BDP1: variants seen among roughly 807,000 people sequenced by gnomAD.
BDP1 encodes the protein BDP1 general transcription factor IIIB subunit, also known as transcription factor TFIIIB component B'' homolog.
In BDP1, 169 loss-of-function variants were observed where a neutral mutation model predicts 266.6. That is an observed-to-expected ratio of 0.63 (90% CI 0.56 to 0.72). The LOEUF (loss-of-function observed/expected upper bound fraction) is 0.72. Ranked by LOEUF, BDP1 falls within the 30% of genes least tolerant of loss-of-function variation. BDP1 has a pLI of 0.00. For missense variants in BDP1, 3,015 were observed against 3,053.8 expected (o/e 0.99, Z 0.30); for synonymous variants, 1,090 against 1,022.4 (o/e 1.07, Z -1.26).
chr5:71,545,531 A>T (rs1742222843), intron 32 of BDP1: 2 of 309,856 alleles, frequency 6.5e-6, no homozygotes, highest in Non-Finnish European at 1.2e-5. Context: ...GGGATTCGCC[A>T]TATTGGCCAG....
At position 71,470,389 on chromosome 5, in the gene BDP1, T is replaced by C. The variant is rs1449292158; in HGVS notation, c.920-6T>C. The C allele has an allele frequency of 6.3e-7, 1 of 1,575,274 alleles. No individual in the cohort carries two copies. ...TTCAATCATTCTAAATCTTTTATTTTCACAGAAACAGATATGTTTTTTTTA... is the reference window on the plus strand; with the variant it reads ...TTCAATCATTCTAAATCTTTTATTTCCACAGAAACAGATATGTTTTTTTTA... On this transcript the variant is annotated splice_polypyrimidine_tract_variant and splice_region_variant and intron_variant, in intron 6 of 38. Transcript: ENST00000358731.
chr5:71,550,111 C>T (rs753118609), intron 34 of BDP1, among the ~76,000 whole-genome samples: 1 of 152,224 alleles, frequency 6.6e-6, no homozygotes, highest in Non-Finnish European at 1.5e-5. Context: ...CCTGGCCAGG[C>T]GTGGTGGCTT....
rs1764793096 is a variant in BDP1, at chr5:71,509,772, G to A, written c.2680G>A (p.Asp894Asn). The A allele has an allele frequency of 6.2e-7, 1 of 1,614,186 alleles. No individual in the cohort carries two copies. The highest frequency in any genetic ancestry group is 8.5e-7 in the Non-Finnish European group (1 of 1,180,026). The change falls in exon 17 of 39, where the codon GAC (aspartate) becomes AAC (asparagine). Residue 894 changes from aspartate (D) to asparagine (N), a missense_variant. Physicochemically the swap from Asp to Asn is conservative, Grantham distance 23. This residue lies in a region of BDP1 where 2,383 missense variants were observed against 2,404.9 expected (regional missense o/e 0.99). Coordinates refer to ENST00000358731, the MANE Select transcript of BDP1 (RefSeq NM_018429.3). Reference protein sequence around the residue: ...PREKILDVIDDTIEMETGLKA... With the variant: ...PREKILDVIDNTIEMETGLKA... ...GGAGAAGATTCTAGATGTGATTGATGACACCATAGAAATGGAGACAGGTCT... is the reference window on the plus strand; with the variant it reads ...GGAGAAGATTCTAGATGTGATTGATAACACCATAGAAATGGAGACAGGTCT...
chr5:71,484,023 C>A (rs978466831), intron 8 of BDP1, 127 bp downstream of exon 8: 2 of 748,286 alleles, frequency 2.7e-6, no homozygotes, highest in South Asian at 1.9e-5. Context: ...AGGAAGCAGT[C>A]TGAAATTTTT....
At chr5:71,553,052 TAA>T (rs528058386) in intron 34 of BDP1, 62 bp from the exon 35 acceptor site, 8 of 1,134,620 alleles carry the variant, frequency 7.1e-6, no homozygotes, top group Non-Finnish European at 9.8e-6. Flanking sequence ...TAGGATCCTT[TAA>T]AAAAAAAAGT....
At chr5:71,519,838 G>C (rs192029166) in intron 22 of BDP1, among the ~76,000 whole-genome samples, 6 of 152,320 alleles carry the variant, frequency 3.9e-5, no homozygotes, top group African/African-American at 1.4e-4. Context: ...CTGGCAGTAG[G>C]ATGGCTCAAT....
At chr5:71,539,492 C>G in intron 27 of BDP1, 65 bp from the exon 28 acceptor site, 1 of 1,309,628 alleles carries the variant, frequency 7.6e-7, no homozygotes, top group Non-Finnish European at 1.1e-6. Context: ...AATTAAAAAT[C>G]TTTTTTAAGT....
Position 71,539,553 on chromosome 5 carries a change from C to G in BDP1, c.5930-4C>G. 1 of 1,600,252 alleles carries G rather than the reference C, an allele frequency of 6.2e-7. No individual in the cohort carries two copies. The highest frequency in any genetic ancestry group is 8.5e-7 in the Non-Finnish European group (1 of 1,172,482). The stretch of plus-strand genomic sequence containing the variant: ...TTTTTAATGTTGATATATTTCCTCA[C>G]AAGGTACCAATGATGGAAGCACCGA... On this transcript the variant is annotated splice_polypyrimidine_tract_variant and splice_region_variant and intron_variant, in intron 27 of 38. Coordinates refer to ENST00000358731, the MANE Select transcript of BDP1 (RefSeq NM_018429.3).
At chr5:71,482,999 C>A (rs536247220) in intron 7 of BDP1, among the ~76,000 whole-genome samples, 23 of 152,256 alleles carry the variant, frequency 1.5e-4, no homozygotes, top group South Asian at 1.0e-3. Flanking sequence ...TAAGGAAATA[C>A]AAGAAAGTGA....
Position 71,511,024 on chromosome 5 carries a change from C to T in BDP1, c.3932C>T (p.Thr1311Ile). ...GAAAAGGTGGCAGAATTGAAACAAACTGGAAAAACAGACATTTCTCCAAGG... is the reference window on the plus strand; with the variant it reads ...GAAAAGGTGGCAGAATTGAAACAAATTGGAAAAACAGACATTTCTCCAAGG... ...TEEKVAELKQ[T>I]GKTDISPREN... Residue 1311 changes from threonine to isoleucine, a missense_variant, in exon 17 of 39, where the codon ACT becomes ATT. By Grantham distance (89) the Thr-to-Ile change is moderately conservative. Around this residue, in one of 3 missense-constraint regions of BDP1, gnomAD observed 2,383 missense variants for 2,404.9 expected, o/e 0.99. Coordinates refer to ENST00000358731, the MANE Select transcript of BDP1 (RefSeq NM_018429.3). The T allele has an allele frequency of 6.8e-6, 11 of 1,614,036 alleles. No individual in the cohort carries two copies. Among genetic ancestry groups the T allele is most frequent in the Non-Finnish European group, 9.3e-6 (11 of 1,180,010 alleles).
intron 13 of BDP1, among the ~76,000 whole-genome samples, chr5:71,499,637 A>T (rs1344139409): frequency 6.6e-6 from 1 of 152,026 alleles, no homozygotes; most frequent in African/African-American, 2.4e-5. Context: ...TAAAAAATTA[A>T]AAAAAAACCC....
the BDP1 span, among the ~76,000 whole-genome samples, chr5:71,576,231 C>G: frequency 6.6e-6 from 1 of 152,166 alleles, no homozygotes; most frequent in Non-Finnish European, 1.5e-5. Flanking sequence ...GCAGTATGAC[C>G]CATACTTTGG....
the BDP1 span, among the ~76,000 whole-genome samples, chr5:71,574,729 T>A: frequency 1.3e-5 from 2 of 152,238 alleles, no homozygotes; most frequent in Non-Finnish European, 2.9e-5. Context: ...GTTTTTGAAC[T>A]GGGAGAATAT....
At position 71,512,225 on chromosome 5, in the gene BDP1, A is replaced by G. The variant is rs765212246; in HGVS notation, c.4060-16A>G. ...ACTCTTTTATTTGTGCTGATTTACT[A>G]TGACTGTTCCTCTAGAACATTAGCA... On this transcript the variant is annotated splice_polypyrimidine_tract_variant and intron_variant, in intron 17 of 38. Coordinates refer to ENST00000358731, the MANE Select transcript of BDP1 (RefSeq NM_018429.3). 1.6e-5 allele frequency: 22 copies of G among 1,353,654 alleles called. No individual in the cohort carries two copies. The highest frequency in any genetic ancestry group is 5.1e-5 in the East Asian group (2 of 39,126). The allele number at this position is 1,353,654 out of a possible 1,614,324, so 83.9% of individuals were successfully genotyped here.
chr5:71,475,930 TAG>T (rs374339292), intron 7 of BDP1: 4 of 152,620 alleles, frequency 2.6e-5, no homozygotes, highest in East Asian at 1.9e-4. Flanking sequence ...TCATCTGAGT[TAG>T]AGTTAGAAAG....
chr5:71,488,694 GC>G (rs1405777640), intron 9 of BDP1, among the ~76,000 whole-genome samples: 1 of 149,574 alleles, frequency 6.7e-6, no homozygotes, highest in Admixed American at 6.7e-5. Context: ...CTCCCAAAGT[GC>G]TAGGATTACA....
Position 71,458,842 on chromosome 5 carries a change from T to C in BDP1, c.476T>C (p.Leu159Ser). The C allele has an allele frequency of 1.2e-6, 2 of 1,610,716 alleles. No homozygotes were observed. Among genetic ancestry groups the C allele is most frequent in the Non-Finnish European group, 1.7e-6 (2 of 1,179,276 alleles). ...QKLREMLKEE[L>S]RKEKKQWKNK... ...CTGAGGGAAATGTTAAAAGAAGAATTGAGAAAAGAGAAGGTAAGGGAGGAG... is the reference window on the plus strand; with the variant it reads ...CTGAGGGAAATGTTAAAAGAAGAATCGAGAAAAGAGAAGGTAAGGGAGGAG... Residue 159 changes from leucine to serine, a missense_variant, in exon 2 of 39, where the codon TTG (leucine) becomes TCG (serine). Physicochemically the swap from Leu to Ser is moderately radical, Grantham distance 145 (BLOSUM62 -2). Transcript: ENST00000358731.
At chr5:71,459,606 A>G (rs890429130) in intron 2 of BDP1, among the ~76,000 whole-genome samples, 2 of 152,210 alleles carry the variant, frequency 1.3e-5, no homozygotes, top group Non-Finnish European at 2.9e-5. Flanking sequence ...TGTTATGCAT[A>G]TATTAGAGTC....
In BDP1 at chr5:71,566,162, CA is replaced by C. The variant is rs1208221927; in HGVS notation, c.*1278del. 2 of 154,822 alleles carry C rather than the reference CA, an allele frequency of 1.3e-5. No individual in the cohort carries two copies. The highest frequency in any genetic ancestry group is 2.9e-5 in the Non-Finnish European group (2 of 68,986). The allele number at this position is 154,822 out of a possible 1,614,324, so 9.6% of individuals were successfully genotyped here. ...TTTTCTTGGATAATCTCAGGATTTT[CA>C]TGAGGATAGGGGGAACTCAACTTTA... On this transcript the variant is annotated 3_prime_UTR_variant, in exon 39 of 39. Transcript: ENST00000358731.
Sources: allele counts gnomAD v4.1 joint callset (sites outside exome capture counted in the v4.1 genomes callset), GRCh38; gene constraint gnomAD v4.1.1; regional missense constraint gnomAD v4.1.1; transcripts MANE v1.5; gene names NCBI Gene and HGNC (gene_info 2026-07-23, HGNC 2026-07-21).